The following DYM variants were observed in gnomAD, a reference collection of about 807,000 sequenced individuals.
DYM encodes dyggve-Melchior-Clausen syndrome protein.
In DYM, 78 loss-of-function variants were observed where a neutral mutation model predicts 93.1. That is an observed-to-expected ratio of 0.84 (90% CI 0.70 to 1.01). The LOEUF (loss-of-function observed/expected upper bound fraction) is 1.01. Among genes scored for constraint, DYM ranks in the 50% least tolerant of loss-of-function variants. The pLI is 0.00. For missense variants in DYM, 789 were observed against 845.0 expected (o/e 0.93, Z 0.82); for synonymous variants, 321 against 319.7 (o/e 1.00, Z -0.04).
chr18:49,264,458 C>A (rs1197746512), intron 11 of DYM, among the ~76,000 whole-genome samples: 1 of 152,052 alleles, frequency 6.6e-6, no homozygotes, highest in Non-Finnish European at 1.5e-5. Flanking sequence ...ATATCCTCAC[C>A]AATTCTTTTT....
chr18:49,107,230 T>C (rs149090269), intron 16 of DYM, among the ~76,000 whole-genome samples: 286 of 152,372 alleles, frequency 1.9e-3, no homozygotes, highest in African/African-American at 6.2e-3. Flanking sequence ...CGTCACGTAG[T>C]TCTCGTTCCT....
chr18:49,068,794 A>T (rs537523818), intron 17 of DYM, among the ~76,000 whole-genome samples: 1 of 152,340 alleles, frequency 6.6e-6, no homozygotes, highest in South Asian at 2.1e-4. Context: ...TCCTCTCCAG[A>T]AGTGATTACA....
At chr18:49,131,757 T>C (rs1259423972) in intron 15 of DYM, among the ~76,000 whole-genome samples, 2 of 152,142 alleles carry the variant, frequency 1.3e-5, no homozygotes, top group Admixed American at 1.3e-4. Flanking sequence ...GCAGTATTCT[T>C]AACAAGAAAG....
Position 49,362,296 on chromosome 18 carries a change from G to A in DYM, c.494+865C>T, listed in dbSNP as rs374902537. On this transcript the variant is annotated intron_variant, in intron 6 of 17. Coordinates refer to ENST00000675505, the MANE Select transcript of DYM (RefSeq NM_001353214.3). Reference sequence around the variant, plus strand: ...GAGGATCACTTGAAGCTGGGAGTTCGAGACCAACCTGGCCAACATAGTGAG... The same window carrying A: ...GAGGATCACTTGAAGCTGGGAGTTCAAGACCAACCTGGCCAACATAGTGAG... Among the ~76,000 whole-genome samples the A allele has an allele frequency of 1.8e-4, 28 of 152,210 alleles. 1 individual carries two copies. The highest frequency in any genetic ancestry group is 5.5e-4 in the African/African-American group (23 of 41,522).
intron 14 of DYM, among the ~76,000 whole-genome samples, chr18:49,196,438 T>TAC (rs35296321): frequency 0.044 from 6,642 of 150,222 alleles, 425 homozygotes; most frequent in African/African-American, 0.15. Flanking sequence ...GATCAGTGGT[T>TAC]ACACACACAC....
intron 1 of DYM, among the ~76,000 whole-genome samples, chr18:49,456,111 G>A (rs999505199): frequency 2.0e-5 from 3 of 152,054 alleles, no homozygotes; most frequent in South Asian, 2.1e-4. Flanking sequence ...CCTCCATCCT[G>A]CTGTTAGGAA....
intron 3 of DYM, among the ~76,000 whole-genome samples, chr18:49,387,628 G>A (rs556872635): frequency 6.6e-6 from 1 of 152,310 alleles, no homozygotes; most frequent in East Asian, 1.9e-4. Flanking sequence ...ACTCATTAAA[G>A]TCTCAGATGA....
intron 8 of DYM, among the ~76,000 whole-genome samples, chr18:49,302,469 T>C (rs1345338950): frequency 6.6e-6 from 1 of 152,268 alleles, no homozygotes; most frequent in African/African-American, 2.4e-5. Flanking sequence ...GTAGATGTCA[T>C]AATTAATATA....
intron 2 of DYM, among the ~76,000 whole-genome samples, chr18:49,399,944 T>A (rs1306082666): frequency 9.0e-5 from 12 of 132,952 alleles, no homozygotes; most frequent in East Asian, 8.6e-4. Flanking sequence ...CTTTTTTTTT[T>A]TTTTTTTTTT....
chr18:49,080,706 G>T (rs1216857309), intron 17 of DYM, among the ~76,000 whole-genome samples: 3 of 148,938 alleles, frequency 2.0e-5, no homozygotes, highest in African/African-American at 4.9e-5. Flanking sequence ...CTTCCCAGAC[G>T]GGGTGGCTGC....
At chr18:49,145,488 C>G (rs145172349) in intron 15 of DYM, among the ~76,000 whole-genome samples, 11 of 151,998 alleles carry the variant, frequency 7.2e-5, no homozygotes, top group Non-Finnish European at 1.3e-4. Flanking sequence ...AAAAAATATT[C>G]AAAGAAGTCG....
chr18:49,348,155 G>GA, intron 6 of DYM, among the ~76,000 whole-genome samples: 1 of 151,906 alleles, frequency 6.6e-6, no homozygotes, highest in East Asian at 1.9e-4. Context: ...GAATACAGAG[G>GA]AAAAAAACAT....
intron 2 of DYM, among the ~76,000 whole-genome samples, chr18:49,395,864 A>G (rs1430591014): frequency 6.6e-6 from 1 of 152,194 alleles, no homozygotes; most frequent in African/African-American, 2.4e-5. Flanking sequence ...TACAAACCTC[A>G]TATTGAAATC....
chr18:49,344,148 C>G (rs1410372446), intron 6 of DYM, among the ~76,000 whole-genome samples: 1 of 151,962 alleles, frequency 6.6e-6, no homozygotes, highest in Non-Finnish European at 1.5e-5. Context: ...AATAAGGAAC[C>G]CAAATTTGGG....
chr18:49,254,936 C>T lies in DYM; in HGVS notation c.1460+2074G>A, dbSNP rs138898748. Among the ~76,000 whole-genome samples, 72 of 152,176 alleles carry T rather than the reference C, an allele frequency of 4.7e-4. 1 individual carries two copies. The highest frequency in any genetic ancestry group is 1.6e-3 in the African/African-American group (67 of 41,508). Reference sequence around the variant, plus strand: ...GCTCTTCAGAATACCTGAAAAACTCCAAGGTAGGAGGAGACTGCTATGTTT... The same window carrying T: ...GCTCTTCAGAATACCTGAAAAACTCTAAGGTAGGAGGAGACTGCTATGTTT... On this transcript the variant is annotated intron_variant, in intron 13 of 17. Transcript: ENST00000675505.
intron 2 of DYM, among the ~76,000 whole-genome samples, chr18:49,425,818 G>T (rs2074226042): frequency 6.6e-6 from 1 of 152,224 alleles, no homozygotes; most frequent in Non-Finnish European, 1.5e-5. Context: ...CTGGCCATCA[G>T]AGAAATGCAA....
At chr18:49,164,679 C>T (rs987689655) in intron 14 of DYM, among the ~76,000 whole-genome samples, 6 of 152,160 alleles carry the variant, frequency 3.9e-5, no homozygotes, top group African/African-American at 1.4e-4. Context: ...AGCAAGACTC[C>T]ACAAGGTGTG....
At chr18:49,201,593 A>T (rs554517447) in intron 14 of DYM, among the ~76,000 whole-genome samples, 19 of 152,240 alleles carry the variant, frequency 1.2e-4, no homozygotes, top group Non-Finnish European at 2.5e-4. Context: ...AAGGCCCTCG[A>T]GAGTCTGGCC....
chr18:49,407,898 A>C (rs2071702627), intron 2 of DYM, among the ~76,000 whole-genome samples: 1 of 152,180 alleles, frequency 6.6e-6, no homozygotes, highest in African/African-American at 2.4e-5. Context: ...ACATTTTTGC[A>C]ACCTCTAATC....
Sources: allele counts gnomAD v4.1 joint callset (sites outside exome capture counted in the v4.1 genomes callset), GRCh38; gene constraint gnomAD v4.1.1; transcripts MANE v1.5; gene names NCBI Gene and HGNC (gene_info 2026-07-23, HGNC 2026-07-21).